Variants in COL23A1 observed in about 807,000 individuals in gnomAD.
COL23A1 encodes the protein collagen alpha-1(XXIII) chain.
A neutral mutation model predicts 99.3 loss-of-function variants in COL23A1; 97 were observed. That is an observed-to-expected ratio of 0.98 (90% CI 0.83 to 1.16). The LOEUF (loss-of-function observed/expected upper bound fraction) is 1.16, where lower values mean the gene tolerates loss of function less well. COL23A1 is among the 50% of genes most tolerant of loss of function. The probability of loss-of-function intolerance (pLI) is 0.00; values close to 1 mark genes in which losing one functional copy is unlikely to be tolerated. For missense variants in COL23A1, 762 were observed against 757.4 expected (o/e 1.01, Z -0.07); for synonymous variants, 320 against 308.2 (o/e 1.04, Z -0.40).
At chr5:178,297,752 G>A (rs544892418) in intron 3 of COL23A1, among the ~76,000 whole-genome samples, 1 of 135,662 alleles carries the variant, frequency 7.4e-6, no homozygotes, top group African/African-American at 2.9e-5. Flanking sequence ...TTGCTGCCCA[G>A]ATTGGAGCTG....
At chr5:178,577,070 T>C (rs1763408215) in intron 1 of COL23A1, among the ~76,000 whole-genome samples, 1 of 152,068 alleles carries the variant, frequency 6.6e-6, no homozygotes, top group South Asian at 2.1e-4. Context: ...GGGTCCTCCC[T>C]GTCGCCGTCT....
intron 2 of COL23A1, among the ~76,000 whole-genome samples, chr5:178,401,938 C>T (rs901594694): frequency 2.6e-5 from 4 of 152,258 alleles, no homozygotes; most frequent in African/African-American, 4.8e-5. Flanking sequence ...GCCTCAGCCT[C>T]CCAAGTAGCT....
At chr5:178,244,529 A>G (rs890489657) in intron 25 of COL23A1, among the ~76,000 whole-genome samples, 1 of 152,164 alleles carries the variant, frequency 6.6e-6, no homozygotes, top group African/African-American at 2.4e-5. Flanking sequence ...CCTGTAGAAC[A>G]CTGGAGTTCT....
intron 1 of COL23A1, among the ~76,000 whole-genome samples, chr5:178,571,014 G>A (rs915085167): frequency 2.0e-5 from 3 of 152,112 alleles, no homozygotes; most frequent in African/African-American, 4.8e-5. Context: ...GGGGCCGGGA[G>A]AATGCCCGAT....
At chr5:178,569,519 T>C (rs1015652351) in intron 1 of COL23A1, among the ~76,000 whole-genome samples, 1 of 152,252 alleles carries the variant, frequency 6.6e-6, no homozygotes, top group Non-Finnish European at 1.5e-5. Context: ...CTGATCCTCT[T>C]TAGTTAACAG....
At chr5:178,546,248 G>C (rs1761573177) in intron 2 of COL23A1, among the ~76,000 whole-genome samples, 1 of 152,082 alleles carries the variant, frequency 6.6e-6, no homozygotes, top group African/African-American at 2.4e-5. Flanking sequence ...TCCCGAGGTG[G>C]GGGTATCACC....
At position 178,518,242 on chromosome 5, in the gene COL23A1, G is replaced by A. The variant is rs1485963954; in HGVS notation, c.361+42440C>T. 2.2e-4 allele frequency among the ~76,000 whole-genome samples: 32 copies of A among 145,326 alleles called. No individual in the cohort carries two copies. The East Asian group carries it at 6.5e-3, about 30-fold the overall frequency. On this transcript the variant is annotated intron_variant, in intron 2 of 28. Transcript: ENST00000390654. ...GGTCACAGATCAACAGGATCCCAAG[G>A]CAGAGGAATTTTTCTTAGTGCAGAA... is the stretch of plus-strand genomic sequence containing the variant.
intron 2 of COL23A1, among the ~76,000 whole-genome samples, chr5:178,409,785 ATT>A (rs1311330784): frequency 6.6e-6 from 1 of 152,248 alleles, no homozygotes; most frequent in Non-Finnish European, 1.5e-5. Context: ...TAAAGATGGC[ATT>A]TCGATCAGTG....
intron 2 of COL23A1, chr5:178,345,081 C>T (rs1285487685): frequency 1.7e-6 from 1 of 588,390 alleles, no homozygotes; most frequent in Non-Finnish European, 3.3e-6. Flanking sequence ...GCTTTTGGTT[C>T]ATCTCTTCCT....
intron 2 of COL23A1, among the ~76,000 whole-genome samples, chr5:178,333,884 C>T (rs1760177227): frequency 6.7e-6 from 1 of 150,278 alleles, no homozygotes; most frequent in Non-Finnish European, 1.5e-5. Flanking sequence ...TATGAGGTCC[C>T]CAGACCTGGA....
chr5:178,497,011 G>A (rs1221155133), intron 2 of COL23A1, among the ~76,000 whole-genome samples: 3 of 152,154 alleles, frequency 2.0e-5, no homozygotes, highest in Non-Finnish European at 4.4e-5. Context: ...ATTGTCTTAA[G>A]CTCCTAGAAT....
intron 2 of COL23A1, among the ~76,000 whole-genome samples, chr5:178,550,599 T>C (rs1350288532): frequency 1.3e-5 from 2 of 152,230 alleles, no homozygotes; most frequent in Non-Finnish European, 1.5e-5. Flanking sequence ...TAGCCAGCCA[T>C]GGTTGTATTT....
At chr5:178,453,806 C>T (rs1216313493) in intron 2 of COL23A1, among the ~76,000 whole-genome samples, 1 of 152,136 alleles carries the variant, frequency 6.6e-6, no homozygotes, top group South Asian at 2.1e-4. Flanking sequence ...CAAACCCAGG[C>T]AGTCTGTCTC....
chr5:178,456,638 C>T (rs995543122), intron 2 of COL23A1, among the ~76,000 whole-genome samples: 65 of 152,238 alleles, frequency 4.3e-4, no homozygotes, highest in African/African-American at 8.9e-4. Context: ...GTGGAGGTTG[C>T]GGTGAGCCGA....
intron 2 of COL23A1, among the ~76,000 whole-genome samples, chr5:178,393,285 A>G (rs1329665426): frequency 6.6e-6 from 1 of 152,234 alleles, no homozygotes; most frequent in Non-Finnish European, 1.5e-5. Context: ...GCCACAAAGA[A>G]GAAGTCACGG....
chr5:178,248,504 A>G (rs1231671883), intron 19 of COL23A1, among the ~76,000 whole-genome samples: 1 of 152,098 alleles, frequency 6.6e-6, no homozygotes, highest in Non-Finnish European at 1.5e-5. Context: ...GGGGGCTGTG[A>G]AGCAAAGACC....
intron 2 of COL23A1, among the ~76,000 whole-genome samples, chr5:178,461,650 G>A (rs765364935): frequency 2.0e-5 from 3 of 152,120 alleles, no homozygotes; most frequent in Admixed American, 6.6e-5. Context: ...GCTGGCTCAC[G>A]GCCTTGGGCA....
intron 3 of COL23A1, among the ~76,000 whole-genome samples, chr5:178,304,909 G>C (rs1317036822): frequency 4.6e-5 from 7 of 152,214 alleles, no homozygotes; most frequent in Admixed American, 4.6e-4. Flanking sequence ...CCAGCACGGG[G>C]CCACGGACCC....
At chr5:178,406,151 A>T (rs1764752860) in intron 2 of COL23A1, among the ~76,000 whole-genome samples, 1 of 152,226 alleles carries the variant, frequency 6.6e-6, no homozygotes, top group Non-Finnish European at 1.5e-5. Context: ...TCATGTACAA[A>T]TAATAACCAG....
Sources: allele counts gnomAD v4.1 joint callset (sites outside exome capture counted in the v4.1 genomes callset), GRCh38; gene constraint gnomAD v4.1.1; transcripts MANE v1.5; gene names NCBI Gene and HGNC (gene_info 2026-07-23, HGNC 2026-07-21).